The following MATCAP2 variants were observed in gnomAD, a reference collection of about 807,000 sequenced individuals.
MATCAP2 encodes the protein microtubule associated tyrosine carboxypeptidase 2.
chr7:36,341,335 A>G, the MATCAP2 span, among the ~76,000 whole-genome samples: 2 of 152,256 alleles, frequency 1.3e-5, no homozygotes, highest in Non-Finnish European at 2.9e-5. Context: ...AATGGGTAAG[A>G]AGAAAAAAGA....
At chr7:36,346,561 G>A in the MATCAP2 span, among the ~76,000 whole-genome samples, 3 of 152,160 alleles carry the variant, frequency 2.0e-5, no homozygotes, top group South Asian at 4.1e-4. Flanking sequence ...CATTCATATC[G>A]AAAGTCCAGA....
the MATCAP2 span, among the ~76,000 whole-genome samples, chr7:36,334,610 GA>G: frequency 7.5e-6 from 1 of 133,092 alleles, no homozygotes; most frequent in Non-Finnish European, 1.6e-5. Flanking sequence ...AAACAAAGTA[GA>G]AAATGACCTG....
the MATCAP2 span, among the ~76,000 whole-genome samples, chr7:36,352,857 T>G: frequency 6.6e-6 from 1 of 151,032 alleles, no homozygotes; most frequent in African/African-American, 2.4e-5. Context: ...ATGTTTGTAG[T>G]TAGTAAATTA....
the MATCAP2 span, among the ~76,000 whole-genome samples, chr7:36,378,821 C>G: frequency 6.6e-6 from 1 of 152,254 alleles, no homozygotes; most frequent in African/African-American, 2.4e-5. Flanking sequence ...CGCCCCTTCC[C>G]CAGCCAGGCT....
chr7:36,353,423 C>T, the MATCAP2 span, among the ~76,000 whole-genome samples: 1 of 151,690 alleles, frequency 6.6e-6, no homozygotes, highest in Non-Finnish European at 1.5e-5. Context: ...CTGTTTTTCA[C>T]CTTGGGGGAG....
At chr7:36,358,650 T>C in the MATCAP2 span, among the ~76,000 whole-genome samples, 1 of 152,232 alleles carries the variant, frequency 6.6e-6, no homozygotes, top group Admixed American at 6.5e-5. Flanking sequence ...TTCACTACTT[T>C]AAAACTGTGT....
chr7:36,354,235 G>A, the MATCAP2 span, among the ~76,000 whole-genome samples: 35 of 152,200 alleles, frequency 2.3e-4, no homozygotes, highest in African/African-American at 7.0e-4. Context: ...TCACCTCAGT[G>A]GTCTGAGTGC....
the MATCAP2 span, among the ~76,000 whole-genome samples, chr7:36,385,474 C>G: frequency 7.9e-5 from 12 of 152,142 alleles, no homozygotes; most frequent in Admixed American, 7.9e-4. Context: ...TAGAGTCCGA[C>G]ATAGACCTAT....
the MATCAP2 span, among the ~76,000 whole-genome samples, chr7:36,348,174 G>A: frequency 6.6e-6 from 1 of 152,068 alleles, no homozygotes; most frequent in Admixed American, 6.6e-5. Context: ...TACATATTCT[G>A]GCTCTTTAAG....
At chr7:36,357,709 T>A in the MATCAP2 span, 2 of 737,024 alleles carry the variant, frequency 2.7e-6, no homozygotes, top group Non-Finnish European at 2.1e-6. Flanking sequence ...CAGTAATCAT[T>A]AGAAAAAAAC....
At chr7:36,330,873 A>G in the MATCAP2 span, 3 of 644,472 alleles carry the variant, frequency 4.7e-6, no homozygotes, top group East Asian at 2.5e-5. Context: ...ATTTGTTCTG[A>G]CAATAAACTA....
the MATCAP2 span, among the ~76,000 whole-genome samples, chr7:36,373,518 G>C: frequency 1.3e-5 from 2 of 152,168 alleles, no homozygotes; most frequent in Admixed American, 1.3e-4. Flanking sequence ...ATGAAGGTCA[G>C]TATGATTGAA....
the MATCAP2 span, among the ~76,000 whole-genome samples, chr7:36,370,386 C>A: frequency 6.6e-6 from 1 of 152,194 alleles, no homozygotes. Context: ...ACAAGATGAT[C>A]GACTTAATTA....
chr7:36,360,606 A>G, the MATCAP2 span, among the ~76,000 whole-genome samples: 2 of 152,228 alleles, frequency 1.3e-5, no homozygotes, highest in Non-Finnish European at 2.9e-5. Context: ...AACTCATACA[A>G]GATGGATATA....
At chr7:36,357,366 T>C in the MATCAP2 span, 7 of 1,613,990 alleles carry the variant, frequency 4.3e-6, no homozygotes, top group African/African-American at 4.0e-5. Flanking sequence ...CTGGGTTTTC[T>C]ACATCTTTTG....
chr7:36,326,549 A>T, the MATCAP2 span: 1 of 366,724 alleles, frequency 2.7e-6, no homozygotes, highest in Non-Finnish European at 4.8e-6. Context: ...TTCAGAAAAT[A>T]GGAATAACTT....
chr7:36,354,312 G>C, the MATCAP2 span, among the ~76,000 whole-genome samples: 1 of 152,242 alleles, frequency 6.6e-6, no homozygotes, highest in Non-Finnish European at 1.5e-5. Flanking sequence ...ATGATGGGGA[G>C]AACAGAGCAT....
At chr7:36,353,129 C>T in the MATCAP2 span, among the ~76,000 whole-genome samples, 1 of 152,102 alleles carries the variant, frequency 6.6e-6, no homozygotes, top group Non-Finnish European at 1.5e-5. Context: ...AAAAAACTAG[C>T]CTGGTGTGCT....
At chr7:36,358,071 C>G in the MATCAP2 span, among the ~76,000 whole-genome samples, 1 of 151,712 alleles carries the variant, frequency 6.6e-6, no homozygotes, top group Non-Finnish European at 1.5e-5. Context: ...AGTGGTGCGC[C>G]CCTGTAATCC....
Sources: gnomAD v4.1 joint callset for allele counts (sites outside exome capture counted in the v4.1 genomes callset) on GRCh38, gnomAD v4.1.1 for gene constraint, MANE v1.5 for transcripts, NCBI Gene and HGNC (gene_info 2026-07-23, HGNC 2026-07-21) for gene names.